Variants in BTF3L4 observed in about 807,000 individuals in gnomAD.
BTF3L4 encodes the protein transcription factor BTF3 homolog 4.
A neutral mutation model predicts 16.8 loss-of-function variants in BTF3L4; 6 were observed. The observed-to-expected ratio is 0.36, with a 90% CI of 0.20 to 0.71. The LOEUF is 0.71. BTF3L4 is among the 30% of genes least tolerant of loss of function. BTF3L4 has a pLI of 0.58. For missense variants in BTF3L4, 92 were observed against 186.9 expected (o/e 0.49, Z 2.96); for synonymous variants, 39 against 59.8 (o/e 0.65, Z 1.60).
At chr1:52,056,835 G>A (rs1686373689) in intron 1 of BTF3L4, among the ~76,000 whole-genome samples, 1 of 152,220 alleles carries the variant, frequency 6.6e-6, no homozygotes, top group African/African-American at 2.4e-5. Context: ...TCTTCACCTT[G>A]TAATGGCAGT....
At chr1:52,057,701 C>T (rs1025514280) in intron 1 of BTF3L4, among the ~76,000 whole-genome samples, 2 of 152,212 alleles carry the variant, frequency 1.3e-5, no homozygotes, top group African/African-American at 4.8e-5. Flanking sequence ...GAATTCCACA[C>T]ACCACAACTT....
chr1:52,065,901 G>A (rs1303927406), intron 3 of BTF3L4, among the ~76,000 whole-genome samples: 1 of 151,946 alleles, frequency 6.6e-6, no homozygotes, highest in East Asian at 2.0e-4. Context: ...AGCTAGCTGT[G>A]GTGGCACATG....
intron 3 of BTF3L4, among the ~76,000 whole-genome samples, chr1:52,080,445 TAA>T (rs1023142936): frequency 7.5e-6 from 1 of 133,100 alleles, no homozygotes; most frequent in Admixed American, 8.0e-5. Context: ...TGTCTGTAAA[TAA>T]AAAAAAAGTC....
intron 3 of BTF3L4, among the ~76,000 whole-genome samples, chr1:52,082,571 C>G (rs1643934590): frequency 6.6e-6 from 1 of 152,002 alleles, no homozygotes; most frequent in Non-Finnish European, 1.5e-5. Flanking sequence ...CCCATCTGTA[C>G]TAAAAATACA....
intron 3 of BTF3L4, among the ~76,000 whole-genome samples, chr1:52,066,785 G>T (rs1303442141): frequency 1.3e-5 from 2 of 151,354 alleles, no homozygotes; most frequent in African/African-American, 4.9e-5. Flanking sequence ...TGGGGAGCTT[G>T]CAGTGAGCCG....
intron 3 of BTF3L4, among the ~76,000 whole-genome samples, chr1:52,077,263 T>G (rs1334106075): frequency 6.6e-6 from 1 of 152,238 alleles, no homozygotes; most frequent in Non-Finnish European, 1.5e-5. Flanking sequence ...AACTGCTGGC[T>G]GGGCGCGGTA....
chr1:52,062,626 A>T (rs1686544603), intron 2 of BTF3L4, among the ~76,000 whole-genome samples: 1 of 152,160 alleles, frequency 6.6e-6, no homozygotes, highest in African/African-American at 2.4e-5. Flanking sequence ...TCCTATAGGC[A>T]GTGGGCAACT....
intron 1 of BTF3L4, 76 bp from the exon 2 acceptor site, chr1:52,059,759 G>A: frequency 7.9e-7 from 1 of 1,270,282 alleles, no homozygotes; most frequent in Non-Finnish European, 1.1e-6. Flanking sequence ...CAGTGAACCA[G>A]AAGGTACTGT....
In BTF3L4 at chr1:52,064,830, A is replaced by T. The variant is rs768598105; in HGVS notation, c.60A>T (p.Thr20=). 1.2e-6 allele frequency: 2 copies of T among 1,604,954 alleles called. No individual in the cohort carries two copies. Among genetic ancestry groups the T allele is most frequent in the Non-Finnish European group, 1.7e-6 (2 of 1,175,166 alleles). Residue 20 remains threonine (T), a synonymous_variant, in exon 3 of 6, where the codon ACA becomes ACT. Transcript: ENST00000313334. ...TCTGTTTGGTTATTTTTCAGGGTAC[A>T]GCTCGCAGAAAGAAGAAGGTGGTAC... is the stretch of plus-strand genomic sequence containing the variant. The part of the protein sequence containing the change: ...QAQVRIGGKG[T]ARRKKKVVHR...
intron 2 of BTF3L4, among the ~76,000 whole-genome samples, chr1:52,061,583 A>C (rs1250925619): frequency 6.6e-6 from 1 of 151,614 alleles, no homozygotes; most frequent in Non-Finnish European, 1.5e-5. Context: ...ATATGGTGCT[A>C]AGATAACACA....
chr1:52,089,638 G>A lies in BTF3L4; in HGVS notation c.*2880G>A, dbSNP rs1644001944. 1 of 152,154 alleles carries A rather than the reference G, an allele frequency of 6.6e-6. No individual in the cohort carries two copies. Among genetic ancestry groups the A allele is most frequent in the South Asian group, 2.1e-4 (1 of 4,832 alleles). The allele number at this position is 152,154 out of a possible 1,614,324, so 9.4% of individuals were successfully genotyped here. A position where few individuals can be genotyped will look rare whatever the true frequency, so the allele number is the denominator to read the frequency against. On this transcript the variant is annotated 3_prime_UTR_variant, in exon 6 of 6. Transcript: ENST00000313334. The stretch of plus-strand genomic sequence containing the variant: ...ACCTTAAAATTTTGGGATAATTCAA[G>A]AAATGTCTGCAGAAAATTGATTTAT...
intron 3 of BTF3L4, among the ~76,000 whole-genome samples, chr1:52,078,707 A>C (rs548690621): frequency 7.1e-4 from 108 of 152,204 alleles, no homozygotes; most frequent in Non-Finnish European, 1.2e-3. Flanking sequence ...ATGAGAGGAC[A>C]AAGTTTACTG....
At chr1:52,083,833 G>A (rs559256529) in intron 4 of BTF3L4, among the ~76,000 whole-genome samples, 7 of 151,828 alleles carry the variant, frequency 4.6e-5, no homozygotes, top group Admixed American at 2.0e-4. Flanking sequence ...CAGCCTGACC[G>A]ACATGGTGAA....
chr1:52,085,013 C>CTT (rs764763479), intron 4 of BTF3L4, among the ~76,000 whole-genome samples: 1,740 of 58,602 alleles, frequency 0.03, 154 homozygotes, highest in African/African-American at 0.075. Context: ...TGAAAAAAAT[C>CTT]TTTTTTTTTT....
At chr1:52,077,937 A>G (rs1436251645) in intron 3 of BTF3L4, among the ~76,000 whole-genome samples, 3 of 152,216 alleles carry the variant, frequency 2.0e-5, no homozygotes, top group African/African-American at 4.8e-5. Context: ...TCAAAACTAT[A>G]GGAAAAGTCA....
At chr1:52,070,633 C>CTTTT (rs35272382) in intron 3 of BTF3L4, among the ~76,000 whole-genome samples, 2 of 101,676 alleles carry the variant, frequency 2.0e-5, no homozygotes, top group African/African-American at 7.0e-5. Flanking sequence ...AAATAACCAG[C>CTTTT]TTTTTTTTTT....
intron 3 of BTF3L4, among the ~76,000 whole-genome samples, chr1:52,070,314 CATTTGGT>C (rs1686754198): frequency 6.5e-4 from 2 of 3,080 alleles, no homozygotes; most frequent in African/African-American, 7.9e-4. Context: ...TATAATAGTT[CATTTGGT>C]ATAATAGTTC....
chr1:52,061,957 G>A (rs1414842854), intron 2 of BTF3L4, among the ~76,000 whole-genome samples: 1 of 144,962 alleles, frequency 6.9e-6, no homozygotes, highest in Non-Finnish European at 1.5e-5. Flanking sequence ...TTTTTTTTAA[G>A]ATGGAATCTC....
At chr1:52,067,947 G>C (rs112474097) in intron 3 of BTF3L4, among the ~76,000 whole-genome samples, 1 of 152,084 alleles carries the variant, frequency 6.6e-6, no homozygotes, top group Non-Finnish European at 1.5e-5. Flanking sequence ...CCATGTATAC[G>C]TACCTTGCAG....
Sources: gnomAD v4.1 joint callset for allele counts (sites outside exome capture counted in the v4.1 genomes callset) on GRCh38, gnomAD v4.1.1 for gene constraint, MANE v1.5 for transcripts, NCBI Gene and HGNC (gene_info 2026-07-23, HGNC 2026-07-21) for gene names.